CC2D2B: variants seen among roughly 807,000 people sequenced by gnomAD.
CC2D2B encodes protein CC2D2B.
A neutral mutation model predicts 161.2 loss-of-function variants in CC2D2B; 128 were observed. That is an observed-to-expected ratio of 0.79 (90% CI 0.69 to 0.92). The LOEUF (loss-of-function observed/expected upper bound fraction) is 0.92. CC2D2B is among the 40% of genes least tolerant of loss of function. The pLI is 0.00. For synonymous variants in CC2D2B, 391 were observed against 449.8 expected, an observed-to-expected ratio of 0.87 and a Z score of 1.65; for missense variants, 1,173 against 1,375.1, an observed-to-expected ratio of 0.85 and a Z score of 2.32.
rs1590358668 is a variant in CC2D2B at position 95,924,314 on chromosome 10, A to G, written c.98A>G (p.Asp33Gly). The change falls in exon 4 of 35, where the codon GAT (aspartate) becomes GGT (glycine). Residue 33 changes from aspartate (D) to glycine (G), a missense_variant and splice_region_variant. Coordinates refer to ENST00000646931, the MANE Select transcript of CC2D2B (RefSeq NM_001349008.3). ...CTTTATTATGTTGGTTTCCTGATAG[A>G]TTTAGATGCAGAAGAAAATCAAAAT... ...EEIIDKHLQK[D>G]LDAEENQNVA... The G allele has an allele frequency of 2.0e-6, 3 of 1,490,068 alleles. No individual in the cohort carries two copies. In the East Asian group the frequency reaches 7.6e-5, roughly 38 times the overall value. 92.3% of individuals were successfully genotyped at this position (1,490,068 alleles called of 1,614,324 possible). A position where few individuals can be genotyped will look rare whatever the true frequency, so the allele number is the denominator to read the frequency against.
chr10:95,968,139 G>A (rs1488226045), intron 14 of CC2D2B, among the ~76,000 whole-genome samples: 1 of 151,844 alleles, frequency 6.6e-6, no homozygotes, highest in African/African-American at 2.4e-5. Context: ...TTTGATCTTT[G>A]GGTTCAGAGA....
chr10:95,990,950 A>G (rs2077929854), intron 20 of CC2D2B, among the ~76,000 whole-genome samples: 1 of 152,218 alleles, frequency 6.6e-6, no homozygotes, highest in South Asian at 2.1e-4. Flanking sequence ...CTCGAAGGAA[A>G]TACAGAAATG....
chr10:95,992,844 A>T (rs1030504511), intron 22 of CC2D2B, 147 bp downstream of exon 22: 3 of 505,162 alleles, frequency 5.9e-6, no homozygotes, highest in Non-Finnish European at 6.2e-6. Context: ...TCATTTGCAT[A>T]GTCATACCTA....
intron 15 of CC2D2B, among the ~76,000 whole-genome samples, chr10:95,971,814 A>C (rs2077146281): frequency 6.6e-6 from 1 of 152,150 alleles, no homozygotes. Context: ...TATGTACCTC[A>C]TATATTTATT....
chr10:95,974,195 C>T, intron 17 of CC2D2B, 39 bp downstream of exon 17: 1 of 1,132,920 alleles, frequency 8.8e-7, no homozygotes, highest in Non-Finnish European at 1.1e-6. Context: ...TGCCAGGTCT[C>T]AGCAAAGCAT....
intron 26 of CC2D2B, among the ~76,000 whole-genome samples, chr10:96,010,766 A>G (rs1418509670): frequency 6.6e-6 from 1 of 152,166 alleles, no homozygotes; most frequent in African/African-American, 2.4e-5. Context: ...TGAATTTGTC[A>G]AGAAAATAAG....
At chr10:95,980,348 G>C (rs986089997) in intron 17 of CC2D2B, among the ~76,000 whole-genome samples, 1 of 152,194 alleles carries the variant, frequency 6.6e-6, no homozygotes, top group African/African-American at 2.4e-5. Flanking sequence ...TCTGAGATTT[G>C]TATTACTTTC....
intron 24 of CC2D2B, chr10:95,999,756 T>C: frequency 4.0e-6 from 1 of 251,242 alleles, no homozygotes. Flanking sequence ...TTTTTTTTTT[T>C]TTTTTTTTTA....
chr10:95,936,081 C>G (rs1430993013), intron 6 of CC2D2B, among the ~76,000 whole-genome samples: 1 of 152,202 alleles, frequency 6.6e-6, no homozygotes, highest in East Asian at 1.9e-4. Context: ...GGCCGTGTCT[C>G]TGATCCTCCC....
At chr10:95,980,458 A>C (rs939295218) in intron 17 of CC2D2B, among the ~76,000 whole-genome samples, 1 of 152,028 alleles carries the variant, frequency 6.6e-6, no homozygotes, top group East Asian at 1.9e-4. Context: ...ATAACGGGAA[A>C]AGTTTCTAAT....
At chr10:95,965,648 G>A (rs2076914461) in intron 12 of CC2D2B, among the ~76,000 whole-genome samples, 1 of 151,994 alleles carries the variant, frequency 6.6e-6, no homozygotes, top group Non-Finnish European at 1.5e-5. Flanking sequence ...CCCTTAGAAA[G>A]GGCTGTAAAC....
rs1158605147 is a variant in CC2D2B at position 96,009,848 on chromosome 10, T to C, written c.2970T>C (p.Ser990=). ...KHEDHCLKSC[S]GHSYIRKNWL... The stretch of plus-strand genomic sequence containing the variant: ...AGGATCACTGTCTCAAGAGCTGTAG[T>C]GGTCACTCATATATAAGAAAGAATT... Residue 990 remains serine (S), a synonymous_variant, in exon 26 of 35, where the codon AGT becomes AGC. Transcript: ENST00000646931. 1.3e-6 allele frequency: 2 copies of C among 1,597,126 alleles called. No homozygotes were observed. Among genetic ancestry groups the C allele is most frequent in the South Asian group, 2.3e-5 (2 of 88,610 alleles).
At chr10:95,947,721 C>A (rs973367539) in intron 9 of CC2D2B, among the ~76,000 whole-genome samples, 1 of 151,748 alleles carries the variant, frequency 6.6e-6, no homozygotes, top group Non-Finnish European at 1.5e-5. Flanking sequence ...TGCATTCCAG[C>A]CTGGTGACAC....
intron 32 of CC2D2B, chr10:96,020,647 AG>A (rs1310386091): frequency 6.6e-6 from 1 of 152,274 alleles, no homozygotes; most frequent in African/African-American, 2.4e-5. Context: ...AGAGAGCAAA[AG>A]AACAATAGAA....
intron 24 of CC2D2B, among the ~76,000 whole-genome samples, chr10:95,997,279 A>G (rs1031959697): frequency 5.3e-5 from 8 of 152,210 alleles, no homozygotes; most frequent in African/African-American, 1.9e-4. Context: ...TTTTGCCATT[A>G]CAAGCAATAT....
chr10:95,908,442 G>A (rs1023857570), intron 1 of CC2D2B, among the ~76,000 whole-genome samples: 21 of 152,194 alleles, frequency 1.4e-4, no homozygotes, highest in African/African-American at 4.8e-4. Flanking sequence ...AAATGCTGTT[G>A]GAGATCAAGA....
At position 95,924,354 on chromosome 10, in the gene CC2D2B, G is replaced by T; in HGVS notation, c.138G>T (p.Leu46Phe). 1 of 1,526,660 alleles carries T rather than the reference G, an allele frequency of 6.6e-7. No homozygotes were observed. The highest frequency in any genetic ancestry group is 8.8e-7 in the Non-Finnish European group (1 of 1,135,686). The allele number at this position is 1,526,660 out of a possible 1,614,324, so 94.6% of individuals were successfully genotyped here. A position where few individuals can be genotyped will look rare whatever the true frequency, so the allele number is the denominator to read the frequency against. The change falls in exon 4 of 35, where the codon TTG (leucine) becomes TTT (phenylalanine). Residue 46 changes from leucine (L) to phenylalanine (F), a missense_variant. Leu to Phe is a conservative substitution (Grantham distance 22). Around this residue, in one of 3 missense-constraint regions of CC2D2B, gnomAD observed 298 missense variants for 261.2 expected, o/e 1.14. Transcript: ENST00000646931. ...AEENQNVAKT[L>F]RGKVREKLKI... Reference sequence around the variant, plus strand: ...AAAATCAAAATGTAGCAAAGACATTGAGAGGCAAAGTGAGAGAAAAGCTAA... The same window carrying T: ...AAAATCAAAATGTAGCAAAGACATTTAGAGGCAAAGTGAGAGAAAAGCTAA...
At chr10:95,957,717 C>T (rs1273317986) in intron 11 of CC2D2B, among the ~76,000 whole-genome samples, 6 of 151,456 alleles carry the variant, frequency 4.0e-5, no homozygotes, top group African/African-American at 4.9e-5. Flanking sequence ...TGTGCCACCA[C>T]GCCTGGCTAA....
chr10:95,927,667 C>G (rs1317610255), intron 6 of CC2D2B, among the ~76,000 whole-genome samples: 2 of 151,832 alleles, frequency 1.3e-5, no homozygotes, highest in African/African-American at 4.8e-5. Context: ...GCTGTCAGCT[C>G]AAAAGCCTGT....
Sources: allele counts gnomAD v4.1 joint callset (sites outside exome capture counted in the v4.1 genomes callset), GRCh38; gene constraint gnomAD v4.1.1; regional missense constraint gnomAD v4.1.1; transcripts MANE v1.5; gene names NCBI Gene and HGNC (gene_info 2026-07-23, HGNC 2026-07-21).